CD163L1: variants seen among roughly 807,000 people sequenced by gnomAD.
CD163L1 encodes scavenger receptor cysteine-rich type 1 protein M160.
Under a neutral mutation model 165.4 loss-of-function variants are expected in CD163L1, and 124 were observed. The ratio of observed to expected loss-of-function variants is 0.75; its 90% CI spans 0.65 to 0.87. The LOEUF (loss-of-function observed/expected upper bound fraction) is 0.87. Among genes scored for constraint, CD163L1 ranks in the 40% least tolerant of loss-of-function variants. CD163L1 has a pLI of 0.00. For missense variants in CD163L1, 1,525 were observed against 1,799.9 expected, an observed-to-expected ratio of 0.85 and a Z score of 2.76; for synonymous variants, 585 against 662.2, an observed-to-expected ratio of 0.88 and a Z score of 1.79.
chr12:7,439,894 C>T (rs1488047180), intron 2 of CD163L1: 7 of 1,603,050 alleles, frequency 4.4e-6, no homozygotes, highest in Non-Finnish European at 5.1e-6. Flanking sequence ...GCCCACTACT[C>T]CAACTCCTTC....
chr12:7,340,876 C>T, the CD163L1 span, among the ~76,000 whole-genome samples: 1 of 152,184 alleles, frequency 6.6e-6, no homozygotes, highest in Non-Finnish European at 1.5e-5. Flanking sequence ...GTGTATGAGA[C>T]AGAAGCCTAC....
chr12:7,330,097 T>C, the CD163L1 span, among the ~76,000 whole-genome samples: 3 of 152,182 alleles, frequency 2.0e-5, no homozygotes, highest in Non-Finnish European at 4.4e-5. Context: ...AATCCTCTTA[T>C]CAATCCTTTC....
At chr12:7,373,138 C>T (rs1389579857) in intron 14 of CD163L1, among the ~76,000 whole-genome samples, 182 bp downstream of exon 14, 1 of 152,196 alleles carries the variant, frequency 6.6e-6, no homozygotes, top group African/African-American at 2.4e-5. Flanking sequence ...TTTAAATACC[C>T]TGTAAAATAC....
At chr12:7,323,463 T>C in the CD163L1 span, 13 of 1,613,750 alleles carry the variant, frequency 8.1e-6, no homozygotes, top group East Asian at 2.2e-5. Flanking sequence ...TTCCAGATTA[T>C]AGATGAAAAT....
chr12:7,436,798 TTC>T (rs1948720689), intron 2 of CD163L1, among the ~76,000 whole-genome samples: 3 of 152,036 alleles, frequency 2.0e-5, no homozygotes, highest in African/African-American at 7.2e-5. Context: ...AAATGACAAT[TTC>T]TGTGTCAGAT....
At chr12:7,321,044 T>C in the CD163L1 span, among the ~76,000 whole-genome samples, 1 of 152,154 alleles carries the variant, frequency 6.6e-6, no homozygotes, top group African/African-American at 2.4e-5. Context: ...AAATCAAAAA[T>C]GTCCCTAGAC....
intron 9 of CD163L1, among the ~76,000 whole-genome samples, chr12:7,377,316 A>G (rs930421302): frequency 1.3e-5 from 2 of 152,076 alleles, no homozygotes; most frequent in African/African-American, 4.8e-5. Flanking sequence ...AACACTCTGG[A>G]TTCTATTTTC....
intron 2 of CD163L1, chr12:7,440,131 T>G: frequency 1.4e-6 from 1 of 703,032 alleles, no homozygotes; most frequent in Non-Finnish European, 2.5e-6. Context: ...CGCGCCAGCG[T>G]GGCCACGTCC....
chr12:7,391,201 A>G (rs1947646713), intron 8 of CD163L1, among the ~76,000 whole-genome samples: 1 of 152,118 alleles, frequency 6.6e-6, no homozygotes, highest in East Asian at 1.9e-4. Flanking sequence ...CCACACCAAA[A>G]CCTCATCTGT....
At chr12:7,325,258 A>G in the CD163L1 span, among the ~76,000 whole-genome samples, 2 of 152,274 alleles carry the variant, frequency 1.3e-5, no homozygotes, top group African/African-American at 4.8e-5. Context: ...ACTAAAAAGG[A>G]GGAACAGATA....
chr12:7,337,320 G>T, the CD163L1 span, among the ~76,000 whole-genome samples: 1 of 152,096 alleles, frequency 6.6e-6, no homozygotes, highest in Non-Finnish European at 1.5e-5. Flanking sequence ...TTGACAAATG[G>T]GATCTAGTTA....
intron 8 of CD163L1, among the ~76,000 whole-genome samples, chr12:7,391,438 G>T (rs1439883770): frequency 1.3e-5 from 2 of 152,150 alleles, no homozygotes; most frequent in East Asian, 1.9e-4. Context: ...AAAGGGGCAT[G>T]TTCTAACCCA....
intron 2 of CD163L1, chr12:7,439,575 G>A (rs1591976474): frequency 2.5e-6 from 4 of 1,581,380 alleles, no homozygotes; most frequent in African/African-American, 1.4e-5. Context: ...TTTGCTGACC[G>A]CTATCAGAGT....
At chr12:7,411,682 C>A (rs545250543) in intron 4 of CD163L1, among the ~76,000 whole-genome samples, 1 of 152,216 alleles carries the variant, frequency 6.6e-6, no homozygotes, top group African/African-American at 2.4e-5. Flanking sequence ...GCCTGCAGAA[C>A]CATGAACCAA....
At chr12:7,338,510 G>C in the CD163L1 span, among the ~76,000 whole-genome samples, 1 of 152,260 alleles carries the variant, frequency 6.6e-6, no homozygotes, top group Admixed American at 6.5e-5. Flanking sequence ...CTTCAACTTA[G>C]ATAACACTTT....
chr12:7,381,949 C>A (rs868218778), intron 8 of CD163L1, among the ~76,000 whole-genome samples: 3 of 145,276 alleles, frequency 2.1e-5, no homozygotes, highest in African/African-American at 7.9e-5. Flanking sequence ...TTAGGTTTTT[C>A]TGAATTAAAA....
intron 4 of CD163L1, among the ~76,000 whole-genome samples, chr12:7,409,738 G>A (rs1948097455): frequency 6.6e-6 from 1 of 152,220 alleles, no homozygotes; most frequent in African/African-American, 2.4e-5. Context: ...AGCCTTTGTA[G>A]AAACTGAAGC....
the CD163L1 span, among the ~76,000 whole-genome samples, chr12:7,339,255 T>A: frequency 6.6e-6 from 1 of 152,262 alleles, no homozygotes; most frequent in Non-Finnish European, 1.5e-5. Flanking sequence ...AGTATCCTTG[T>A]GGAGCATAAG....
chr12:7,424,656 T>C (rs1235245532), intron 4 of CD163L1, among the ~76,000 whole-genome samples: 1 of 152,172 alleles, frequency 6.6e-6, no homozygotes, highest in African/African-American at 2.4e-5. Flanking sequence ...ACAAAATCAA[T>C]GTGCAAAAAT....
Sources: gnomAD v4.1 joint callset for allele counts (sites outside exome capture counted in the v4.1 genomes callset) on GRCh38, gnomAD v4.1.1 for gene constraint, MANE v1.5 for transcripts, NCBI Gene and HGNC (gene_info 2026-07-23, HGNC 2026-07-21) for gene names.